Variants in STAT3 observed in about 807,000 individuals in gnomAD.
The protein encoded by STAT3 is DNA-binding protein APRF.
STAT3 carries 7 observed loss-of-function variants against 114.3 expected under a neutral mutation model. The observed-to-expected ratio is 0.06, with a 90% CI of 0.03 to 0.11. STAT3 has a LOEUF of 0.11. Ranked by LOEUF, STAT3 falls within the 10% of genes least tolerant of loss-of-function variation. The probability of loss-of-function intolerance (pLI) is 1.00; values close to 1 mark genes in which losing one functional copy is unlikely to be tolerated. For synonymous variants in STAT3, 331 were observed against 354.5 expected, an observed-to-expected ratio of 0.93 and a Z score of 0.74; for missense variants, 364 against 960.9, an observed-to-expected ratio of 0.38 and a Z score of 8.21.
At position 42,367,968 on chromosome 17, in the gene STAT3, T is replaced by C. The variant is rs567395770; in HGVS notation, c.-23-19429A>G. On this transcript the variant is annotated intron_variant, in intron 1 of 23. Coordinates refer to ENST00000264657, the MANE Select transcript of STAT3 (RefSeq NM_139276.3). ...CTGCCCTTCCTTAAGTAGGAGACAA[T>C]AGGTACAATAATGCATGCAAATGTT... Among the ~76,000 whole-genome samples the C allele has an allele frequency of 7.2e-5, 11 of 152,242 alleles. No individual in the cohort carries two copies. In the South Asian group the frequency reaches 1.7e-3, roughly 23 times the overall value.
intron 1 of STAT3, among the ~76,000 whole-genome samples, chr17:42,350,090 A>G (rs1320704596): frequency 6.6e-6 from 1 of 152,056 alleles, no homozygotes; most frequent in Non-Finnish European, 1.5e-5. Flanking sequence ...AAAAATAATT[A>G]CAAGTCAGAG....
At chr17:42,374,610 C>A (rs1165190680) in intron 1 of STAT3, among the ~76,000 whole-genome samples, 90 of 120,854 alleles carry the variant, frequency 7.4e-4, no homozygotes, top group Admixed American at 1.3e-3. Context: ...AACTCCATCT[C>A]AAAAAAAAAA....
chr17:42,351,055 C>T (rs1048391947), intron 1 of STAT3, among the ~76,000 whole-genome samples: 1 of 148,062 alleles, frequency 6.8e-6, no homozygotes, highest in Non-Finnish European at 1.5e-5. Context: ...CGCTTGAACC[C>T]AGGAGGAGGA....
intron 1 of STAT3, among the ~76,000 whole-genome samples, chr17:42,386,248 T>C (rs564516769): frequency 1.4e-5 from 2 of 147,788 alleles, no homozygotes; most frequent in Non-Finnish European, 3.0e-5. Flanking sequence ...GCCACTGCAC[T>C]CTAGCCTGGG....
In STAT3 at chr17:42,324,620, G is replaced by C; in HGVS notation, c.1600+91C>G. ...GCTCAGGAAAGAAACATGGCCTAAT[G>C]CTCAGTAGACATGGCCCAAATGAAC... On this transcript the variant is annotated intron_variant, in intron 17 of 23. Coordinates refer to ENST00000264657, the MANE Select transcript of STAT3 (RefSeq NM_139276.3). This position sits in a 1 kb window ranked among gnomAD's most constrained non-coding sequence, Gnocchi z 4.5. The C allele has an allele frequency of 6.7e-7, 1 of 1,492,216 alleles. No individual in the cohort carries two copies. The highest frequency in any genetic ancestry group is 1.2e-5 in the South Asian group (1 of 81,894). The allele number at this position is 1,492,216 out of a possible 1,614,324, so 92.4% of individuals were successfully genotyped here.
chr17:42,340,954 T>C (rs77935107), intron 4 of STAT3, among the ~76,000 whole-genome samples: 214 of 152,206 alleles, frequency 1.4e-3, no homozygotes, highest in African/African-American at 5.0e-3. Flanking sequence ...TGAAGCTCCA[T>C]ATGGATGGCT....
intron 8 of STAT3, among the ~76,000 whole-genome samples, chr17:42,336,881 C>A (rs1292405156): frequency 1.3e-5 from 2 of 151,122 alleles, no homozygotes; most frequent in African/African-American, 2.4e-5. Context: ...AAACCAAAAG[C>A]CTTAATTGAA....
intron 1 of STAT3, among the ~76,000 whole-genome samples, chr17:42,352,885 C>G (rs2083039363): frequency 6.6e-6 from 1 of 151,940 alleles, no homozygotes; most frequent in Non-Finnish European, 1.5e-5. Context: ...ACTATGCTGT[C>G]AATATAAAAT....
At chr17:42,339,098 T>G (rs2082335361) in intron 5 of STAT3, among the ~76,000 whole-genome samples, 1 of 151,708 alleles carries the variant, frequency 6.6e-6, no homozygotes, top group Admixed American at 6.6e-5. Flanking sequence ...ACAAATTTTT[T>G]TTTTTTAATT....
At chr17:42,320,590 C>T (rs1358486124) in intron 21 of STAT3, among the ~76,000 whole-genome samples, 4 of 151,922 alleles carry the variant, frequency 2.6e-5, no homozygotes, top group Non-Finnish European at 4.4e-5. Context: ...ATCAGCTGGG[C>T]ATGGTGGCAC....
chr17:42,351,768 T>C (rs2082973370), intron 1 of STAT3, among the ~76,000 whole-genome samples: 1 of 152,002 alleles, frequency 6.6e-6, no homozygotes, highest in African/African-American at 2.4e-5. Flanking sequence ...AACAATGTTA[T>C]TTTGTTGTTA....
At chr17:42,380,319 G>A (rs114075188) in intron 1 of STAT3, among the ~76,000 whole-genome samples, 1,751 of 151,570 alleles carry the variant, frequency 0.012, 38 homozygotes, top group African/African-American at 0.04. Context: ...CACCATGCCC[G>A]ACCTCCTAAT....
At chr17:42,327,163 C>T (rs1037323033) in intron 14 of STAT3, among the ~76,000 whole-genome samples, 2 of 152,204 alleles carry the variant, frequency 1.3e-5, no homozygotes, top group African/African-American at 2.4e-5. Flanking sequence ...AAGTCCATCA[C>T]TCCTAAAATT....
At position 42,316,913 on chromosome 17, in the gene STAT3, G is replaced by A. The variant is rs1212426568; in HGVS notation, c.2145-12C>T. On this transcript the variant is annotated splice_polypyrimidine_tract_variant and intron_variant, in intron 22 of 23. Transcript: ENST00000264657. ...TGCTGCAGGTCGTTCTGTAGGAAAT[G>A]GGGGGCAGCAGGAGGGGAAACGGGG... The A allele has an allele frequency of 6.2e-7, 1 of 1,608,796 alleles. No homozygotes were observed. The highest frequency in any genetic ancestry group is 1.7e-5 in the Admixed American group (1 of 59,766).
intron 1 of STAT3, chr17:42,387,901 G>A (rs1174738027): frequency 5.3e-6 from 1 of 188,392 alleles, no homozygotes; most frequent in East Asian, 1.1e-4. Flanking sequence ...CCCCCCACTC[G>A]CGCCGGTGAT....
intron 1 of STAT3, among the ~76,000 whole-genome samples, chr17:42,375,182 C>A (rs1396149020): frequency 6.6e-6 from 1 of 152,288 alleles, no homozygotes; most frequent in African/African-American, 2.4e-5. Flanking sequence ...AAAACATTTT[C>A]CCTCATTCAC....
intron 1 of STAT3, among the ~76,000 whole-genome samples, chr17:42,355,237 G>A (rs761913286): frequency 6.6e-6 from 1 of 152,276 alleles, no homozygotes. Context: ...CTAAGCCTGT[G>A]GGTTTTTAAA....
rs1258810791 is a variant in STAT3 at position 42,314,042 on chromosome 17, G to C, written c.*1703C>G. Reference sequence around the variant, plus strand: ...GAGTCAGAGGCAGCCCATCCAGCACGTGCTAGGTGTTCCCATACGCACAGG... The same window carrying C: ...GAGTCAGAGGCAGCCCATCCAGCACCTGCTAGGTGTTCCCATACGCACAGG... On this transcript the variant is annotated 3_prime_UTR_variant, in exon 24 of 24. Coordinates refer to ENST00000264657, the MANE Select transcript of STAT3 (RefSeq NM_139276.3). The C allele has an allele frequency of 4.3e-6, 1 of 231,686 alleles. No homozygotes were observed. The highest frequency in any genetic ancestry group is 2.2e-5 in the African/African-American group (1 of 45,190). The allele number at this position is 231,686 out of a possible 1,614,324, so 14.4% of individuals were successfully genotyped here.
intron 23 of STAT3, chr17:42,316,194 T>TG (rs890963677): frequency 6.2e-6 from 4 of 641,424 alleles, no homozygotes; most frequent in African/African-American, 5.8e-5. Context: ...AGGCTTAGTA[T>TG]GAAAAAAAAG....
Sources: allele counts gnomAD v4.1 joint callset (sites outside exome capture counted in the v4.1 genomes callset), GRCh38; gene constraint gnomAD v4.1.1; non-coding constraint Gnocchi (gnomAD v3.1); transcripts MANE v1.5; gene names NCBI Gene and HGNC (gene_info 2026-07-23, HGNC 2026-07-21).